Variants in NIPAL3 observed in about 807,000 individuals in gnomAD.
NIPAL3 encodes NIPA like domain containing 3.
NIPAL3 carries 41 observed loss-of-function variants against 47.2 expected under a neutral mutation model. The observed-to-expected ratio is 0.87, with a 90% CI of 0.68 to 1.13. The LOEUF (loss-of-function observed/expected upper bound fraction) is 1.13. Among genes scored for constraint, NIPAL3 ranks in the 50% most tolerant of loss-of-function variants. The probability of loss-of-function intolerance (pLI) is 0.00; values close to 1 mark genes in which losing one functional copy is unlikely to be tolerated. For synonymous variants in NIPAL3, 194 were observed against 209.6 expected, an observed-to-expected ratio of 0.93 and a Z score of 0.64; for missense variants, 449 against 530.1, an observed-to-expected ratio of 0.85 and a Z score of 1.50.
At chr1:24,423,668 G>GC (rs1422463004) in intron 2 of NIPAL3, among the ~76,000 whole-genome samples, 3 of 152,122 alleles carry the variant, frequency 2.0e-5, no homozygotes, top group Non-Finnish European at 4.4e-5. Context: ...GCTGCAGAGG[G>GC]CCACACGGGA....
intron 10 of NIPAL3, among the ~76,000 whole-genome samples, chr1:24,463,290 T>C (rs1173169177): frequency 6.6e-6 from 1 of 152,214 alleles, no homozygotes; most frequent in Non-Finnish European, 1.5e-5. Context: ...TTAACTTACA[T>C]GAATTAAAGA....
At chr1:24,440,762 G>A (rs1645343748) in intron 3 of NIPAL3, among the ~76,000 whole-genome samples, 1 of 152,182 alleles carries the variant, frequency 6.6e-6, no homozygotes. Flanking sequence ...GGCACAGTTG[G>A]GGTGTGCACT....
chr1:24,433,909 A>G (rs1644988421), intron 2 of NIPAL3, among the ~76,000 whole-genome samples: 1 of 152,220 alleles, frequency 6.6e-6, no homozygotes, highest in South Asian at 2.1e-4. Context: ...TTAAGGTGTT[A>G]ATTATAATCA....
At chr1:24,457,898 C>A (rs1305134349) in intron 8 of NIPAL3, 1 of 480,654 alleles carries the variant, frequency 2.1e-6, no homozygotes, top group Non-Finnish European at 4.3e-6. Flanking sequence ...TATTTTTGGT[C>A]CCACTACAAC....
At chr1:24,464,382 A>G (rs545599619) in intron 11 of NIPAL3, 9 of 254,426 alleles carry the variant, frequency 3.5e-5, no homozygotes, top group African/African-American at 1.8e-4. Context: ...CAATATAATT[A>G]GGATCTGCAG....
intron 11 of NIPAL3, chr1:24,464,896 G>A (rs1646631565): frequency 6.6e-6 from 1 of 152,190 alleles, no homozygotes; most frequent in African/African-American, 2.4e-5. Flanking sequence ...ACACACTGAT[G>A]GTCTAGAGGA....
intron 5 of NIPAL3, among the ~76,000 whole-genome samples, 197 bp downstream of exon 5, chr1:24,445,441 G>A (rs761107890): frequency 2.0e-5 from 3 of 152,072 alleles, no homozygotes; most frequent in Non-Finnish European, 4.4e-5. Context: ...CAGAATCATC[G>A]GTGAGGCTTT....
chr1:24,466,877 C>T (rs1646720798), intron 11 of NIPAL3, among the ~76,000 whole-genome samples: 2 of 152,172 alleles, frequency 1.3e-5, no homozygotes, highest in Non-Finnish European at 2.9e-5. Context: ...TAAACTGTGC[C>T]CTTCAAAGAA....
At chr1:24,466,991 G>A (rs1646725615) in intron 11 of NIPAL3, among the ~76,000 whole-genome samples, 1 of 152,160 alleles carries the variant, frequency 6.6e-6, no homozygotes, top group Non-Finnish European at 1.5e-5. Context: ...ATCCCACCTT[G>A]GTCTCTGGTG....
upstream of NIPAL3, chr1:24,415,375 T>C (rs72880694): frequency 6.6e-6 from 1 of 152,220 alleles, no homozygotes; most frequent in Non-Finnish European, 1.5e-5. Flanking sequence ...TGGATTTGAA[T>C]ACTTGGTGAG....
chr1:24,442,356 G>A, intron 4 of NIPAL3, 130 bp downstream of exon 4: 1 of 942,014 alleles, frequency 1.1e-6, no homozygotes, highest in Non-Finnish European at 1.6e-6. Flanking sequence ...TAATACAAAG[G>A]GCTTCAGACA....
intron 2 of NIPAL3, among the ~76,000 whole-genome samples, chr1:24,427,291 C>T (rs1410891099): frequency 6.6e-6 from 1 of 152,198 alleles, no homozygotes; most frequent in Non-Finnish European, 1.5e-5. Context: ...GGTGTGTGTA[C>T]AAGCAGTGTA....
chr1:24,465,770 A>G, intron 11 of NIPAL3: 2 of 365,696 alleles, frequency 5.5e-6, no homozygotes, highest in Non-Finnish European at 9.6e-6. Context: ...GCTAGTGGTC[A>G]TATGTGTAAA....
At chr1:24,459,065 G>T in intron 9 of NIPAL3, 89 bp downstream of exon 9, 2 of 1,118,024 alleles carry the variant, frequency 1.8e-6, no homozygotes, top group Non-Finnish European at 2.7e-6. Context: ...CTGCTGACTT[G>T]TTCTCCCCGT....
intron 2 of NIPAL3, among the ~76,000 whole-genome samples, chr1:24,431,167 G>C (rs1049840896): frequency 4.6e-5 from 7 of 152,152 alleles, no homozygotes; most frequent in African/African-American, 1.4e-4. Context: ...ACAGAGGGAA[G>C]AAAAGTCATT....
rs188699915 is a variant in NIPAL3, at chr1:24,426,057, C to T, written c.93+6417C>T. On this transcript the variant is annotated intron_variant, in intron 2 of 11. Transcript: ENST00000374399. Reference sequence around the variant, plus strand: ...CACAAAAGCTCTCATGAGATAGGTACGGTTATAACCCCATTTTACCTGTGA... The same window carrying T: ...CACAAAAGCTCTCATGAGATAGGTATGGTTATAACCCCATTTTACCTGTGA... Among the ~76,000 whole-genome samples the T allele has an allele frequency of 9.5e-4, 144 of 152,268 alleles. 1 individual carries two copies. Among genetic ancestry groups the T allele is most frequent in the South Asian group, 9.3e-3 (45 of 4,826 alleles).
Position 24,469,820 on chromosome 1 carries a change from G to C in NIPAL3, c.*635G>C, listed in dbSNP as rs1372178746. 6.6e-6 allele frequency: 1 copy of C among 152,274 alleles called. No individual in the cohort carries two copies. The highest frequency in any genetic ancestry group is 1.5e-5 in the Non-Finnish European group (1 of 68,150). The allele number at this position is 152,274 out of a possible 1,614,324, so 9.4% of individuals were successfully genotyped here. The stretch of plus-strand genomic sequence containing the variant: ...TGGATCTACTCTGAAAACGAAACTT[G>C]GTTTTGGTCCTGTGAGGACTACTTG... On this transcript the variant is annotated 3_prime_UTR_variant, in exon 12 of 12. Transcript: ENST00000374399.
Position 24,419,537 on chromosome 1 carries a change from A to G in NIPAL3, c.-11A>G. The G allele has an allele frequency of 1.9e-6, 3 of 1,609,982 alleles. No individual in the cohort carries two copies. The highest frequency in any genetic ancestry group is 1.7e-6 in the Non-Finnish European group (2 of 1,178,290). On this transcript the variant is annotated 5_prime_UTR_variant, in exon 2 of 12. Transcript: ENST00000374399. ...TAGGCCAGGCCCTGTGGGATGCGCC[A>G]CTAGACCACCATGGACGGATCCCAC...
chr1:24,462,337 A>G (rs572516592), intron 10 of NIPAL3, among the ~76,000 whole-genome samples: 1 of 152,346 alleles, frequency 6.6e-6, no homozygotes, highest in East Asian at 1.9e-4. Context: ...TGTTGACAAA[A>G]TGACTCGCAC....
Sources: allele counts gnomAD v4.1 joint callset (sites outside exome capture counted in the v4.1 genomes callset), GRCh38; gene constraint gnomAD v4.1.1; transcripts MANE v1.5; gene names NCBI Gene and HGNC (gene_info 2026-07-23, HGNC 2026-07-21).